PGBD2: variants seen among roughly 807,000 people sequenced by gnomAD.
PGBD2 encodes piggyBac transposable element derived 2, also known as piggyBac transposable element-derived protein 2.
PGBD2 carries 6 observed loss-of-function variants against 8.1 expected under a neutral mutation model. That is an observed-to-expected ratio of 0.74 (90% confidence interval 0.40 to 1.46). The LOEUF is 1.46. Ranked by LOEUF, PGBD2 falls within the 40% of genes most tolerant of loss-of-function variation. PGBD2 has a pLI of 0.02. For missense variants in PGBD2, 802 were observed against 739.0 expected (o/e 1.09, Z -0.99); for synonymous variants, 318 against 272.2 (o/e 1.17, Z -1.66).
the PGBD2 span, among the ~76,000 whole-genome samples, chr1:248,882,524 A>G: frequency 1.3e-5 from 2 of 152,206 alleles, no homozygotes; most frequent in Non-Finnish European, 2.9e-5. Context: ...AAGCTAGACA[A>G]TCGGTTAGAC....
At chr1:248,914,272 C>G (rs1662014676) in intron 2 of PGBD2, among the ~76,000 whole-genome samples, 1 of 152,142 alleles carries the variant, frequency 6.6e-6, no homozygotes, top group Non-Finnish European at 1.5e-5. Context: ...GGCAGTCAAG[C>G]CTGGTAGAGA....
intron 1 of PGBD2, 38 bp from the exon 2 acceptor site, chr1:248,913,778 T>G (rs1004644860): frequency 9.2e-7 from 1 of 1,081,692 alleles, no homozygotes; most frequent in African/African-American, 1.6e-5. Context: ...CTTCTTAAGA[T>G]ACAATTTTTT....
chr1:248,893,568 G>A, the PGBD2 span, among the ~76,000 whole-genome samples: 1 of 152,066 alleles, frequency 6.6e-6, no homozygotes, highest in African/African-American at 2.4e-5. Flanking sequence ...TTTTTAAAAG[G>A]CTGAATAATA....
At chr1:248,875,556 T>G in the PGBD2 span, among the ~76,000 whole-genome samples, 1 of 152,212 alleles carries the variant, frequency 6.6e-6, no homozygotes, top group Non-Finnish European at 1.5e-5. Flanking sequence ...TTGGGAAGCC[T>G]GTGAAAAATA....
intron 2 of PGBD2, 62 bp downstream of exon 2, chr1:248,913,941 G>T (rs1662001956): frequency 3.5e-6 from 5 of 1,408,952 alleles, no homozygotes; most frequent in Non-Finnish European, 5.0e-6. Context: ...CTTTTGAAAG[G>T]CCAGGTCCAT....
At position 248,916,948 on chromosome 1, in the gene PGBD2, G is replaced by C. The variant is rs1018482137; in HGVS notation, c.364G>C (p.Gly122Arg). The C allele has an allele frequency of 6.2e-7, 1 of 1,613,682 alleles. No homozygotes were observed. The change falls in exon 3 of 3, where the codon GGC becomes CGC. Residue 122 changes from glycine (G) to arginine (R), a missense_variant. Coordinates refer to ENST00000329291, the MANE Select transcript of PGBD2 (RefSeq NM_170725.3). The stretch of plus-strand genomic sequence containing the variant: ...CAAAAGAGATATTCGTCCAGACTTT[G>C]GCAGTTGGACTGCATCAGATCCTCA... ...WTKRDIRPDF[G>R]SWTASDPHIE...
the PGBD2 span, among the ~76,000 whole-genome samples, chr1:248,925,207 G>A: frequency 6.6e-6 from 1 of 152,194 alleles, no homozygotes; most frequent in Non-Finnish European, 1.5e-5. Context: ...CCTGGAGGAA[G>A]CCACAAAGAC....
chr1:248,916,321 G>A (rs1188836097), intron 2 of PGBD2, among the ~76,000 whole-genome samples: 1 of 152,116 alleles, frequency 6.6e-6, no homozygotes, highest in Non-Finnish European at 1.5e-5. Flanking sequence ...GGCTGAGGCA[G>A]GAGAATCGCT....
the PGBD2 span, among the ~76,000 whole-genome samples, chr1:248,881,041 GAGCAGTGAGCCAA>G: frequency 6.6e-6 from 1 of 152,166 alleles, no homozygotes; most frequent in Admixed American, 6.5e-5. Flanking sequence ...CCCTGAGACT[GAGCAGTGAGCCAA>G]AGCCATGGTG....
rs764493636 is a variant in PGBD2 at position 248,918,117 on chromosome 1, GGACCT to G, written c.1534_1538del (p.Asp512ProfsTer17). On this transcript the variant is annotated frameshift_variant, in exon 3 of 3. Transcript: ENST00000329291. LOFTEE classifies it low-confidence loss of function (END_TRUNC). ...GAATCTGCTGCCAAGATGCCCAGGTGGACCTCCTTGCCTTCCGGAGATACATTGCC... is the reference window on the plus strand; with the variant it reads ...GAATCTGCTGCCAAGATGCCCAGGTGCCTTGCCTTCCGGAGATACATTGCC... The G allele has an allele frequency of 6.2e-7, 1 of 1,614,220 alleles. No individual in the cohort carries two copies. Among genetic ancestry groups the G allele is most frequent in the Admixed American group, 1.7e-5 (1 of 60,024 alleles).
intron 1 of PGBD2, among the ~76,000 whole-genome samples, chr1:248,907,331 G>C (rs1481424149): frequency 1.3e-5 from 2 of 152,240 alleles, no homozygotes; most frequent in African/African-American, 4.8e-5. Flanking sequence ...CCATAGGGCA[G>C]TTTTTCTCCT....
chr1:248,922,682 G>T (rs1284959589), downstream of PGBD2, among the ~76,000 whole-genome samples: 1 of 152,124 alleles, frequency 6.6e-6, no homozygotes, highest in Admixed American at 6.5e-5. Context: ...GTTGAATTTT[G>T]TTGAAGGCCT....
chr1:248,879,552 G>A, the PGBD2 span, among the ~76,000 whole-genome samples: 24 of 151,958 alleles, frequency 1.6e-4, no homozygotes, highest in African/African-American at 4.6e-4. Context: ...GTGCCACTAC[G>A]TATGGCTAAT....
chr1:248,890,506 C>T, the PGBD2 span, among the ~76,000 whole-genome samples: 1 of 152,104 alleles, frequency 6.6e-6, no homozygotes, highest in Non-Finnish European at 1.5e-5. Context: ...GACTATTCTA[C>T]ACAAACCATG....
chr1:248,918,288 A>T lies in PGBD2; in HGVS notation c.1704A>T (p.Ser568=). The T allele has an allele frequency of 6.2e-7, 1 of 1,603,754 alleles. No homozygotes were observed. The highest frequency in any genetic ancestry group is 1.1e-5 in the South Asian group (1 of 89,008). Residue 568 remains serine (S), a synonymous_variant, in exon 3 of 3, where the codon TCA becomes TCT. Coordinates refer to ENST00000329291, the MANE Select transcript of PGBD2 (RefSeq NM_170725.3). The stretch of plus-strand genomic sequence containing the variant: ...GGACCCGGTGTGCCCTCTGCCACTC[A>T]CAGACCAACACCCGGTGTGAGAAGT... ...DKRTRCALCH[S]QTNTRCEKCQ... is the part of the protein sequence containing the mutation.
At chr1:248,873,926 G>GT in the PGBD2 span, among the ~76,000 whole-genome samples, 2 of 152,192 alleles carry the variant, frequency 1.3e-5, no homozygotes, top group African/African-American at 2.4e-5. Flanking sequence ...TCTGGTCTCC[G>GT]GATGGAGGCG....
upstream of PGBD2, among the ~76,000 whole-genome samples, chr1:248,905,115 A>G (rs749221529): frequency 2.6e-5 from 4 of 152,184 alleles, no homozygotes; most frequent in Non-Finnish European, 5.9e-5. Flanking sequence ...TGTTTTCTCA[A>G]TTTGCTCATA....
chr1:248,881,479 C>A, the PGBD2 span, among the ~76,000 whole-genome samples: 2 of 152,100 alleles, frequency 1.3e-5, no homozygotes, highest in African/African-American at 4.8e-5. Context: ...GTTTACCTTC[C>A]CATGTAAAGT....
chr1:248,901,111 A>T, the PGBD2 span, among the ~76,000 whole-genome samples: 1 of 152,230 alleles, frequency 6.6e-6, no homozygotes, highest in Non-Finnish European at 1.5e-5. Context: ...CAAATGGGAA[A>T]ACATTCCATG....
Sources: gnomAD v4.1 joint callset for allele counts (sites outside exome capture counted in the v4.1 genomes callset) on GRCh38, gnomAD v4.1.1 for gene constraint, MANE v1.5 for transcripts, NCBI Gene and HGNC (gene_info 2026-07-23, HGNC 2026-07-21) for gene names.